Variants in SNTG1 observed in about 807,000 individuals in gnomAD.
SNTG1 encodes the protein syntrophin gamma 1, also known as gamma-1-syntrophin.
SNTG1 carries 39 observed loss-of-function variants against 74.7 expected under a neutral mutation model. The ratio of observed to expected loss-of-function variants is 0.52; its 90% confidence interval spans 0.40 to 0.68. The LOEUF (loss-of-function observed/expected upper bound fraction) is 0.68, where lower values mean the gene tolerates loss of function less well. SNTG1 is among the 30% of genes least tolerant of loss of function. The pLI is 0.00. For synonymous variants in SNTG1, 254 were observed against 217.1 expected (o/e 1.17, Z -1.49); for missense variants, 685 against 609.5 (o/e 1.12, Z -1.30).
intron 1 of SNTG1, among the ~76,000 whole-genome samples, chr8:50,136,257 G>T (rs564693383): frequency 3.9e-5 from 6 of 152,030 alleles, no homozygotes. Flanking sequence ...TTATATTTTG[G>T]GGGGGAATAT....
At chr8:50,155,669 G>A (rs1423382812) in intron 1 of SNTG1, among the ~76,000 whole-genome samples, 1 of 151,972 alleles carries the variant, frequency 6.6e-6, no homozygotes, top group East Asian at 1.9e-4. Flanking sequence ...ATGAAGCTTA[G>A]AGGGAAATGT....
chr8:50,782,578 G>C (rs1440499106), intron 18 of SNTG1, among the ~76,000 whole-genome samples: 1 of 152,074 alleles, frequency 6.6e-6, no homozygotes, highest in African/African-American at 2.4e-5. Flanking sequence ...GCACTTCTCT[G>C]TATTGGTTAT....
chr8:50,214,749 C>T (rs1022938561), intron 2 of SNTG1, among the ~76,000 whole-genome samples: 1 of 152,060 alleles, frequency 6.6e-6, no homozygotes, highest in Admixed American at 6.6e-5. Context: ...TTCAATTGTC[C>T]ACCCTAGGGT....
intron 13 of SNTG1, among the ~76,000 whole-genome samples, chr8:50,611,560 C>T (rs530947814): frequency 5.7e-4 from 86 of 152,078 alleles, no homozygotes; most frequent in Non-Finnish European, 1.1e-3. Flanking sequence ...TTCTATTATA[C>T]ACCATAGTAA....
At position 50,256,974 on chromosome 8, in the gene SNTG1, T is replaced by C. The variant is rs552160529; in HGVS notation, c.-28+84339T>C. 2.0e-5 allele frequency among the ~76,000 whole-genome samples: 3 copies of C among 152,230 alleles called. No individual in the cohort carries two copies. The East Asian group carries it at 5.8e-4, about 30-fold the overall frequency. On this transcript the variant is annotated intron_variant, in intron 2 of 18. Coordinates refer to ENST00000642720, the MANE Select transcript of SNTG1 (RefSeq NM_018967.5). ...GTTCCATGTGATGGAAGAGCTATTC[T>C]GAATAAGTATGGCCAAGAAGGCATG...
chr8:50,230,843 T>TC (rs1440203173), intron 2 of SNTG1, among the ~76,000 whole-genome samples: 1 of 150,086 alleles, frequency 6.7e-6, no homozygotes, highest in Admixed American at 6.7e-5. Context: ...TGGGTAACTT[T>TC]TTTTTTTTTA....
intron 12 of SNTG1, among the ~76,000 whole-genome samples, chr8:50,587,712 C>T (rs2130857454): frequency 6.6e-6 from 1 of 151,590 alleles, no homozygotes; most frequent in African/African-American, 2.4e-5. Flanking sequence ...GTAGTCCTGG[C>T]TACGCGCGAG....
chr8:50,500,430 A>G (rs1048375965), intron 8 of SNTG1, among the ~76,000 whole-genome samples: 33 of 152,074 alleles, frequency 2.2e-4, no homozygotes, highest in African/African-American at 8.0e-4. Context: ...GAAATTTTAT[A>G]ATTTTTCACT....
chr8:50,092,792 A>G (rs2079788897), intron 1 of SNTG1, among the ~76,000 whole-genome samples: 1 of 152,162 alleles, frequency 6.6e-6, no homozygotes. Context: ...AACAGTTTTA[A>G]TATTATTCGA....
At chr8:50,107,014 C>T (rs1243524992) in intron 1 of SNTG1, among the ~76,000 whole-genome samples, 1 of 152,098 alleles carries the variant, frequency 6.6e-6, no homozygotes, top group East Asian at 1.9e-4. Flanking sequence ...AATATGTTGC[C>T]TGCTGGTAAT....
chr8:50,156,573 T>C (rs945495514), intron 1 of SNTG1, among the ~76,000 whole-genome samples: 1 of 152,034 alleles, frequency 6.6e-6, no homozygotes, highest in Non-Finnish European at 1.5e-5. Flanking sequence ...CTGTATACAG[T>C]TTAATATATA....
chr8:49,992,440 T>G (rs1813780315), intron 1 of SNTG1, among the ~76,000 whole-genome samples: 1 of 152,216 alleles, frequency 6.6e-6, no homozygotes, highest in Non-Finnish European at 1.5e-5. Context: ...GGAAAATTTT[T>G]TATTTCAAAT....
At chr8:50,703,309 T>C (rs1309922306) in intron 15 of SNTG1, among the ~76,000 whole-genome samples, 1 of 151,818 alleles carries the variant, frequency 6.6e-6, no homozygotes, top group African/African-American at 2.4e-5. Flanking sequence ...ACAAATTACT[T>C]TTTTATTTTT....
In SNTG1 at chr8:50,570,588, GTTGTTA is replaced by G. The variant is rs1411574298; in HGVS notation, c.810+17412_810+17417del. On this transcript the variant is annotated intron_variant, in intron 12 of 18. Transcript: ENST00000642720. The stretch of plus-strand genomic sequence containing the variant: ...TTTTATTATTATTATTATTATTATT[GTTGTTA>G]TTATTATTATTATTATTATTATTAT... 6.2e-3 allele frequency among the ~76,000 whole-genome samples: 540 copies of G among 86,882 alleles called. 3 individuals are homozygous for G. Among genetic ancestry groups the G allele is most frequent in the African/African-American group, 0.022 (505 of 23,268 alleles). The allele number at this position is 86,882 out of a possible 152,430, so 57.0% of individuals were successfully genotyped here. A position where few individuals can be genotyped will look rare whatever the true frequency, so the allele number is the denominator to read the frequency against.
At chr8:50,069,518 C>G (rs1821174685) in intron 1 of SNTG1, among the ~76,000 whole-genome samples, 1 of 142,954 alleles carries the variant, frequency 7.0e-6, no homozygotes, top group Admixed American at 7.0e-5. Flanking sequence ...GTAATGAAAT[C>G]ATCTTGAAAA....
intron 12 of SNTG1, among the ~76,000 whole-genome samples, chr8:50,583,731 G>C (rs188068085): frequency 2.1e-4 from 30 of 146,324 alleles, no homozygotes; most frequent in Admixed American, 5.4e-4. Flanking sequence ...TTTTTTTTCT[G>C]CTAGAGGTCA....
At chr8:49,985,577 A>T (rs1813081038) in intron 1 of SNTG1, among the ~76,000 whole-genome samples, 2 of 152,194 alleles carry the variant, frequency 1.3e-5, no homozygotes, top group Admixed American at 6.6e-5. Flanking sequence ...TTTTTTTATC[A>T]TTACAATATG....
At chr8:50,714,721 TG>T (rs2095471001) in intron 17 of SNTG1, among the ~76,000 whole-genome samples, 1 of 151,404 alleles carries the variant, frequency 6.6e-6, no homozygotes, top group Non-Finnish European at 1.5e-5. Flanking sequence ...TTCCAGGAGG[TG>T]GGTGTGGAGA....
chr8:50,641,607 A>G (rs1450216765), intron 13 of SNTG1, among the ~76,000 whole-genome samples: 5 of 152,162 alleles, frequency 3.3e-5, no homozygotes, highest in Admixed American at 6.6e-5. Context: ...ATCAAATCCA[A>G]TAACGATTTG....
Sources: gnomAD v4.1 joint callset for allele counts (sites outside exome capture counted in the v4.1 genomes callset) on GRCh38, gnomAD v4.1.1 for gene constraint, MANE v1.5 for transcripts, NCBI Gene and HGNC (gene_info 2026-07-23, HGNC 2026-07-21) for gene names.